EPB41L4B: variants seen among roughly 807,000 people sequenced by gnomAD.
EPB41L4B encodes the protein erythrocyte membrane protein band 4.1 like 4B.
A neutral mutation model predicts 112.5 loss-of-function variants in EPB41L4B; 30 were observed. That is an observed-to-expected ratio of 0.27 (90% CI 0.20 to 0.36). The LOEUF is 0.36. Ranked by LOEUF, EPB41L4B falls within the 10% of genes least tolerant of loss-of-function variation. EPB41L4B has a pLI of 1.00. For missense variants in EPB41L4B, 1,024 were observed against 1,133.3 expected (o/e 0.90, Z 1.38); for synonymous variants, 408 against 439.7 (o/e 0.93, Z 0.90).
chr9:109,253,846 A>G lies in EPB41L4B; in HGVS notation c.1170-296T>C, dbSNP rs578149482. ...GTTTGATACATCTCATTAAGAGAAC[A>G]TTGATTTTCACATAAAATAACCTTT... On this transcript the variant is annotated intron_variant, in intron 11 of 25. Coordinates refer to ENST00000374566, the MANE Select transcript of EPB41L4B (RefSeq NM_019114.5). Among the ~76,000 whole-genome samples, 29 of 152,332 alleles carry G rather than the reference A, an allele frequency of 1.9e-4. 1 individual carries two copies. The highest frequency in any genetic ancestry group is 6.5e-4 in the African/African-American group (27 of 41,576).
In EPB41L4B at chr9:109,269,853, A is replaced by G. The variant is rs544431346; in HGVS notation, c.412-1420T>C. 2.1e-4 allele frequency among the ~76,000 whole-genome samples: 32 copies of G among 152,334 alleles called. No homozygotes were observed. The South Asian group carries it at 6.6e-3, about 32-fold the overall frequency. On this transcript the variant is annotated intron_variant, in intron 2 of 25. Coordinates refer to ENST00000374566, the MANE Select transcript of EPB41L4B (RefSeq NM_019114.5). ...CAAGGAGCGGCAGGACCCAACCAGG[A>G]CAGTGTACTCCACACCTAACCAAAG...
At chr9:109,241,004 C>G (rs952790589) in intron 15 of EPB41L4B, 1 of 985,098 alleles carries the variant, frequency 1.0e-6, no homozygotes, top group Admixed American at 6.2e-5. Flanking sequence ...CCCCCTGTAT[C>G]TATATAACAT....
At chr9:109,265,961 T>C in intron 4 of EPB41L4B, among the ~76,000 whole-genome samples, 1 of 116,680 alleles carries the variant, frequency 8.6e-6, no homozygotes, top group East Asian at 3.5e-4. Context: ...AACACTAGAA[T>C]GACTGTTCGC....
chr9:109,266,675 A>G lies in EPB41L4B; in HGVS notation c.533+798T>C, dbSNP rs555776282. Among the ~76,000 whole-genome samples, 58 of 152,272 alleles carry G rather than the reference A, an allele frequency of 3.8e-4. 1 individual carries two copies. In the South Asian group the frequency reaches 0.012, roughly 32 times the overall value. On this transcript the variant is annotated intron_variant, in intron 4 of 25. Coordinates refer to ENST00000374566, the MANE Select transcript of EPB41L4B (RefSeq NM_019114.5). ...CATAGACATGGGCAAACAAAACAAA[A>G]AAGAAATTCAGGCCGGGCGCAGTGG...
chr9:109,317,662 T>C (rs1286898182), intron 1 of EPB41L4B, among the ~76,000 whole-genome samples: 1 of 152,210 alleles, frequency 6.6e-6, no homozygotes, highest in Non-Finnish European at 1.5e-5. Context: ...TAACGCCGCC[T>C]GAGGGTTTTT....
intron 1 of EPB41L4B, among the ~76,000 whole-genome samples, chr9:109,296,776 A>C (rs1312216487): frequency 6.6e-6 from 1 of 151,850 alleles, no homozygotes; most frequent in African/African-American, 2.4e-5. Context: ...AGCCCCAGTC[A>C]CTGGGGAGTA....
At chr9:109,260,995 C>T (rs1412741141) in intron 6 of EPB41L4B, among the ~76,000 whole-genome samples, 3 of 152,144 alleles carry the variant, frequency 2.0e-5, no homozygotes, top group Non-Finnish European at 4.4e-5. Context: ...TAATGGCCTT[C>T]CGTCTCTTTT....
intron 16 of EPB41L4B, among the ~76,000 whole-genome samples, chr9:109,216,413 T>G (rs7027952): frequency 0.77 from 117,317 of 152,106 alleles, 46,030 homozygotes; most frequent in African/African-American, 0.91. Context: ...GGCCGAGATG[T>G]GTGGATCACC....
chr9:109,234,550 T>C (rs997074566), intron 15 of EPB41L4B, among the ~76,000 whole-genome samples: 2 of 152,216 alleles, frequency 1.3e-5, no homozygotes, highest in African/African-American at 2.4e-5. Flanking sequence ...ATTTTTACTA[T>C]TGTTTGTATT....
intron 15 of EPB41L4B, among the ~76,000 whole-genome samples, chr9:109,222,656 C>T (rs915720993): frequency 6.6e-6 from 1 of 152,194 alleles, no homozygotes; most frequent in African/African-American, 2.4e-5. Flanking sequence ...GGAGGTCCCA[C>T]ATCCTGGTTT....
At chr9:109,213,325 T>C (rs1833248125) in intron 17 of EPB41L4B, among the ~76,000 whole-genome samples, 1 of 152,200 alleles carries the variant, frequency 6.6e-6, no homozygotes, top group African/African-American at 2.4e-5. Context: ...CTTCCTTCCA[T>C]CTGCAAATGG....
chr9:109,200,129 T>C (rs1588130873), intron 20 of EPB41L4B, 107 bp downstream of exon 20: 4 of 814,866 alleles, frequency 4.9e-6, no homozygotes, highest in Non-Finnish European at 4.0e-6. Context: ...TAAATGGAAT[T>C]TGGGGGCTGC....
At chr9:109,193,641 T>C (rs1029228709) in intron 21 of EPB41L4B, among the ~76,000 whole-genome samples, 1 of 152,216 alleles carries the variant, frequency 6.6e-6, no homozygotes, top group African/African-American at 2.4e-5. Context: ...ATAGGTTCAA[T>C]TGTATTTGGA....
chr9:109,278,923 C>T (rs1250243714), intron 2 of EPB41L4B, among the ~76,000 whole-genome samples: 2 of 152,170 alleles, frequency 1.3e-5, no homozygotes, highest in Non-Finnish European at 2.9e-5. Context: ...GGAGTTCACT[C>T]ATTCTAACAT....
intron 15 of EPB41L4B, chr9:109,240,227 C>T (rs1834305285): frequency 3.0e-6 from 3 of 985,180 alleles, no homozygotes; most frequent in African/African-American, 1.7e-5. Context: ...TGAAAAGATT[C>T]AGAACACATT....
At position 109,242,964 on chromosome 9, in the gene EPB41L4B, A is replaced by C. The variant is rs370301933; in HGVS notation, c.1409+654T>G. Among the ~76,000 whole-genome samples the C allele has an allele frequency of 1.4e-4, 22 of 152,076 alleles. No homozygotes were observed. In the East Asian group the frequency reaches 3.7e-3, roughly 25 times the overall value. On this transcript the variant is annotated intron_variant, in intron 15 of 25. Transcript: ENST00000374566. ...GTTGGGGCCAAGGTTGGTAAATGGC[A>C]GCCCTCGGCCCAATCCCACTGTTTT...
At position 109,173,377 on chromosome 9, in the gene EPB41L4B, A is replaced by T; in HGVS notation, c.*1177T>A. The T allele has an allele frequency of 6.6e-6, 1 of 151,998 alleles. No homozygotes were observed. Among genetic ancestry groups the T allele is most frequent in the East Asian group, 1.9e-4 (1 of 5,184 alleles). 9.4% of individuals were successfully genotyped at this position (151,998 alleles called of 1,614,324 possible). On this transcript the variant is annotated 3_prime_UTR_variant, in exon 26 of 26. Transcript: ENST00000374566. Reference sequence around the variant, plus strand: ...TTGACCTTGTAATCCCTCTTTGGAGATATTCCTAAGGGAATAATCCAAAAG... The same window carrying T: ...TTGACCTTGTAATCCCTCTTTGGAGTTATTCCTAAGGGAATAATCCAAAAG...
intron 15 of EPB41L4B, among the ~76,000 whole-genome samples, chr9:109,243,240 T>TAA (rs35666632): frequency 1.1e-4 from 12 of 111,190 alleles, no homozygotes; most frequent in African/African-American, 3.4e-4. Context: ...AAAAAATCCT[T>TAA]AAAAAAAAAA....
rs561240449 is a variant in EPB41L4B, at chr9:109,218,016, T to A, written c.1410-871A>T. On this transcript the variant is annotated intron_variant, in intron 15 of 25. Coordinates refer to ENST00000374566, the MANE Select transcript of EPB41L4B (RefSeq NM_019114.5). ...GCTGGCTCTCCCCGTCTCTGCTCGT[T>A]CCTTTAGTCCATCCTCCACAGAGTA... 2.1e-3 allele frequency among the ~76,000 whole-genome samples: 320 copies of A among 152,144 alleles called. 2 individuals are homozygous for A. Among genetic ancestry groups the A allele is most frequent in the African/African-American group, 7.2e-3 (300 of 41,526 alleles).
Sources: allele counts gnomAD v4.1 joint callset (sites outside exome capture counted in the v4.1 genomes callset), GRCh38; gene constraint gnomAD v4.1.1; transcripts MANE v1.5; gene names NCBI Gene and HGNC (gene_info 2026-07-23, HGNC 2026-07-21).